The following NRXN3 variants were observed in gnomAD, a reference collection of about 807,000 sequenced individuals.
NRXN3 encodes neurexin 3.
A neutral mutation model predicts 137.6 loss-of-function variants in NRXN3; 32 were observed. The ratio of observed to expected loss-of-function variants is 0.23; its 90% CI spans 0.18 to 0.31. The LOEUF (loss-of-function observed/expected upper bound fraction) is 0.31. Among genes scored for constraint, NRXN3 ranks in the 10% least tolerant of loss-of-function variants. The pLI is 1.00. For synonymous variants in NRXN3, 798 were observed against 784.5 expected, an observed-to-expected ratio of 1.02 and a Z score of -0.29; for missense variants, 1,574 against 2,062.5, an observed-to-expected ratio of 0.76 and a Z score of 4.59.
At chr14:78,809,311 C>T (rs888095764) in intron 9 of NRXN3, among the ~76,000 whole-genome samples, 1 of 108,480 alleles carries the variant, frequency 9.2e-6, no homozygotes, top group African/African-American at 3.0e-5. Flanking sequence ...TTTCTCTCCT[C>T]AAGATGTGGA....
intron 16 of NRXN3, among the ~76,000 whole-genome samples, chr14:79,568,155 C>A (rs1056922285): frequency 3.9e-5 from 6 of 152,186 alleles, no homozygotes; most frequent in Non-Finnish European, 8.8e-5. Flanking sequence ...CACACAGTTT[C>A]CATCCCTCTG....
chr14:79,306,594 C>A (rs2086109815), intron 15 of NRXN3, among the ~76,000 whole-genome samples: 2 of 152,032 alleles, frequency 1.3e-5, no homozygotes. Context: ...ATGATCTTAT[C>A]CTCATTTCCT....
At chr14:78,761,338 T>A (rs948254278) in intron 8 of NRXN3, among the ~76,000 whole-genome samples, 3 of 152,168 alleles carry the variant, frequency 2.0e-5, no homozygotes, top group Non-Finnish European at 2.9e-5. Context: ...GATTAATGAT[T>A]CCTTGGCTAC....
Position 78,243,913 on chromosome 14 carries a change from T to A in NRXN3, c.709+111T>A. 1 of 782,138 alleles carries A rather than the reference T, an allele frequency of 1.3e-6. No individual in the cohort carries two copies. The highest frequency in any genetic ancestry group is 2.0e-6 in the Non-Finnish European group (1 of 492,626). 48.4% of individuals were successfully genotyped at this position (782,138 alleles called of 1,614,324 possible). The stretch of plus-strand genomic sequence containing the variant: ...TGCATATCTTTAGCTGCATGTTAGA[T>A]CACTGGGCCCCTTGCCCTAAGGAGG... On this transcript the variant is annotated intron_variant, in intron 2 of 20. Transcript: ENST00000335750. The surrounding 1 kb of genome is among the most constrained non-coding windows in gnomAD (Gnocchi z 4.2).
At chr14:78,821,328 A>C (rs926976108) in intron 10 of NRXN3, among the ~76,000 whole-genome samples, 3 of 152,146 alleles carry the variant, frequency 2.0e-5, no homozygotes, top group Non-Finnish European at 2.9e-5. Context: ...TATAATAAAA[A>C]GTAATATTTG....
chr14:78,692,762 G>A (rs1210017389), intron 6 of NRXN3, among the ~76,000 whole-genome samples: 2 of 152,116 alleles, frequency 1.3e-5, no homozygotes, highest in Admixed American at 6.5e-5. Flanking sequence ...GAATTGTTGC[G>A]ATAATTTCAG....
intron 4 of NRXN3, among the ~76,000 whole-genome samples, chr14:78,417,021 C>A (rs571980221): frequency 7.2e-5 from 11 of 152,298 alleles, no homozygotes; most frequent in African/African-American, 2.4e-4. Context: ...CCTGCTGTAA[C>A]CTTGTAACTG....
chr14:79,757,589 T>A (rs1261196302), intron 19 of NRXN3, among the ~76,000 whole-genome samples: 1 of 152,218 alleles, frequency 6.6e-6, no homozygotes, highest in Non-Finnish European at 1.5e-5. Flanking sequence ...AATTTCAAAA[T>A]TCTGTGAAGC....
Position 78,600,001 on chromosome 14 carries a change from A to G in NRXN3, c.758-45119A>G, listed in dbSNP as rs575064855. Among the ~76,000 whole-genome samples the G allele has an allele frequency of 2.1e-4, 32 of 152,310 alleles. 1 individual carries two copies. In the South Asian group the frequency reaches 6.6e-3, roughly 32 times the overall value. ...GTCATGCCACTCTTCCTCAGCTCACAGTTGGCAGAAGCACCACTATAAACT... is the reference window on the plus strand; with the variant it reads ...GTCATGCCACTCTTCCTCAGCTCACGGTTGGCAGAAGCACCACTATAAACT... On this transcript the variant is annotated intron_variant, in intron 4 of 20. Transcript: ENST00000335750.
intron 15 of NRXN3, among the ~76,000 whole-genome samples, chr14:79,378,619 G>C (rs541089124): frequency 6.6e-6 from 1 of 152,152 alleles, no homozygotes; most frequent in Non-Finnish European, 1.5e-5. Context: ...GTTAGTTTAC[G>C]TGTCAGTTTC....
intron 16 of NRXN3, among the ~76,000 whole-genome samples, chr14:79,531,554 T>G (rs1300922529): frequency 6.6e-6 from 1 of 152,184 alleles, no homozygotes; most frequent in Non-Finnish European, 1.5e-5. Context: ...TGATGACATT[T>G]CGCAGAAAAT....
intron 15 of NRXN3, among the ~76,000 whole-genome samples, chr14:79,014,039 C>CCAT (rs2099575241): frequency 6.6e-6 from 1 of 152,144 alleles, no homozygotes; most frequent in Non-Finnish European, 1.5e-5. Context: ...ATGGTTGGCA[C>CCAT]CATCATTCAC....
chr14:79,176,739 A>G (rs908704285), intron 15 of NRXN3, among the ~76,000 whole-genome samples: 2 of 152,326 alleles, frequency 1.3e-5, no homozygotes, highest in African/African-American at 2.4e-5. Flanking sequence ...ATCATTTTTA[A>G]CTGACCTAGA....
intron 19 of NRXN3, among the ~76,000 whole-genome samples, chr14:79,709,830 A>C (rs2098796139): frequency 6.6e-6 from 1 of 152,188 alleles, no homozygotes; most frequent in African/African-American, 2.4e-5. Context: ...AGGAAGATGC[A>C]TGAAATATAT....
intron 19 of NRXN3, among the ~76,000 whole-genome samples, chr14:79,794,261 G>A (rs544946690): frequency 3.3e-5 from 5 of 152,284 alleles, no homozygotes; most frequent in African/African-American, 1.2e-4. Context: ...CTACTTGGGA[G>A]GCTGAGGCAG....
chr14:78,623,473 T>C (rs372337234), intron 4 of NRXN3, among the ~76,000 whole-genome samples: 18 of 152,356 alleles, frequency 1.2e-4, no homozygotes, highest in African/African-American at 3.8e-4. Flanking sequence ...GAATTGGCCA[T>C]AGTAGATAAC....
At chr14:79,651,914 C>CT (rs2098477987) in intron 16 of NRXN3, among the ~76,000 whole-genome samples, 1 of 152,160 alleles carries the variant, frequency 6.6e-6, no homozygotes, top group Non-Finnish European at 1.5e-5. Context: ...TTGATTCATG[C>CT]TGGAATCCAT....
intron 15 of NRXN3, among the ~76,000 whole-genome samples, chr14:79,094,981 T>A (rs200827244): frequency 1.5e-4 from 10 of 67,356 alleles, no homozygotes; most frequent in East Asian, 1.3e-3. Context: ...AGAGAGAGAG[T>A]GTGTGTGTGT....
intron 17 of NRXN3, among the ~76,000 whole-genome samples, chr14:79,687,361 C>A (rs2098699557): frequency 1.3e-5 from 2 of 152,170 alleles, no homozygotes; most frequent in South Asian, 4.1e-4. Context: ...AGTTCCCTTC[C>A]TTTAGTGTCA....
Sources: allele counts gnomAD v4.1 joint callset (sites outside exome capture counted in the v4.1 genomes callset), GRCh38; gene constraint gnomAD v4.1.1; non-coding constraint Gnocchi (gnomAD v3.1); transcripts MANE v1.5; gene names NCBI Gene and HGNC (gene_info 2026-07-23, HGNC 2026-07-21).